Variants in PSME4 observed in about 807,000 individuals in gnomAD.
PSME4 encodes proteasome activator complex subunit 4.
Under a neutral mutation model 253.9 loss-of-function variants are expected in PSME4, and 89 were observed. The ratio of observed to expected loss-of-function variants is 0.35; its 90% CI spans 0.30 to 0.42. The LOEUF (loss-of-function observed/expected upper bound fraction) is 0.42. PSME4 is among the 10% of genes least tolerant of loss of function. The probability of loss-of-function intolerance (pLI) is 1.00; values close to 1 mark genes in which losing one functional copy is unlikely to be tolerated. For missense variants in PSME4, 2,014 were observed against 2,195.2 expected, an observed-to-expected ratio of 0.92 and a Z score of 1.65; for synonymous variants, 851 against 759.2, an observed-to-expected ratio of 1.12 and a Z score of -1.99.
At chr2:53,895,163 T>C (rs1176854119) in intron 33 of PSME4, 87 bp from the exon 34 acceptor site, 14 of 1,182,286 alleles carry the variant, frequency 1.2e-5, no homozygotes, top group Admixed American at 4.2e-5. Flanking sequence ...GCACTTTTAA[T>C]GAACTCTAAC....
rs144859112 is a variant in PSME4, at chr2:53,879,080, T to C, written c.4816-3325A>G. Among the ~76,000 whole-genome samples, 1,443 of 152,304 alleles carry C rather than the reference T, an allele frequency of 9.5e-3. 26 individuals carry two copies. Among genetic ancestry groups the C allele is most frequent in the African/African-American group, 0.033 (1,361 of 41,546 alleles). ...CTCTCTTTTGTACTCTGTCCCTTTA[T>C]TTCTCAGACCGGCCGACACTTAGGG... On this transcript the variant is annotated intron_variant, in intron 41 of 46. Coordinates refer to ENST00000404125, the MANE Select transcript of PSME4 (RefSeq NM_014614.3).
rs1318007012 is a variant in PSME4, at chr2:53,887,394, C to T, written c.4594G>A (p.Glu1532Lys). ...TTCTCCAGAATTCGAGCAGTAAACT[C>T]AGGGACATGAGGCGATATGGTTGGT... The part of the protein sequence containing the change: ...TTPTISPHVP[E>K]FTARILEKLK... Residue 1532 changes from glutamate (E) to lysine (K), a missense_variant, in exon 40 of 47, where the codon GAG (glutamate) becomes AAG (lysine). This residue lies in a region of PSME4 where 403 missense variants were observed against 556.1 expected (regional missense o/e 0.72). Transcript: ENST00000404125. 6.2e-7 allele frequency: 1 copy of T among 1,613,802 alleles called. No individual in the cohort carries two copies. Among genetic ancestry groups the T allele is most frequent in the East Asian group, 2.2e-5 (1 of 44,886 alleles).
intron 1 of PSME4, among the ~76,000 whole-genome samples, chr2:53,965,667 TTTG>T (rs1424849968): frequency 8.7e-6 from 1 of 115,266 alleles, no homozygotes; most frequent in Non-Finnish European, 1.9e-5. Flanking sequence ...TGTGTGTTTT[TTTG>T]TTTTTTTTTT....
At chr2:53,908,447 G>A in intron 23 of PSME4, 29 bp from the exon 24 acceptor site, 1 of 1,612,174 alleles carries the variant, frequency 6.2e-7, no homozygotes, top group East Asian at 2.2e-5. Context: ...AATTGTATTT[G>A]CAAGTCATCA....
chr2:53,935,960 C>G, intron 7 of PSME4, 127 bp downstream of exon 7: 4 of 1,278,448 alleles, frequency 3.1e-6, no homozygotes, highest in Non-Finnish European at 4.1e-6. Flanking sequence ...GTACTGCAAT[C>G]TTGGCTCACT....
intron 12 of PSME4, among the ~76,000 whole-genome samples, chr2:53,926,979 A>G (rs557287192): frequency 1.3e-5 from 2 of 151,144 alleles, no homozygotes; most frequent in Non-Finnish European, 2.9e-5. Flanking sequence ...TCTCAAAAAA[A>G]AAAGAAAGAA....
chr2:53,908,462 A>T (rs1484288777), intron 23 of PSME4, 44 bp from the exon 24 acceptor site: 4 of 1,611,252 alleles, frequency 2.5e-6, no homozygotes, highest in African/African-American at 2.7e-5. Context: ...TCATCAATCC[A>T]AGCTTGATCG....
At chr2:53,865,804 G>A (rs1202084779) in intron 46 of PSME4, 3 of 328,996 alleles carry the variant, frequency 9.1e-6, no homozygotes, top group Admixed American at 4.7e-5. Flanking sequence ...AGAATAAGAT[G>A]TATTTTCCTT....
At chr2:53,944,140 A>G (rs1669591538) in intron 3 of PSME4, among the ~76,000 whole-genome samples, 1 of 152,190 alleles carries the variant, frequency 6.6e-6, no homozygotes, top group Non-Finnish European at 1.5e-5. Context: ...AACACTATCA[A>G]AATCATTAAT....
chr2:53,906,592 C>G lies in PSME4; in HGVS notation c.2943+6G>C. 6.4e-7 allele frequency: 1 copy of G among 1,565,452 alleles called. No individual in the cohort carries two copies. Among genetic ancestry groups the G allele is most frequent in the Middle Eastern group, 1.7e-4 (1 of 5,816 alleles). ...CATGAGAGTGCAGCGTTTGGATAAG[C>G]CTTACCTGACTGTATGAACTTGTAG... On this transcript the variant is annotated splice_donor_region_variant and intron_variant, in intron 26 of 46. Transcript: ENST00000404125.
intron 1 of PSME4, 74 bp downstream of exon 1, chr2:53,970,469 A>G: frequency 6.5e-7 from 1 of 1,543,238 alleles, no homozygotes; most frequent in Non-Finnish European, 8.7e-7. Flanking sequence ...CCCTCTGGAC[A>G]AAGAGCAACC....
chr2:53,963,998 A>AT (rs1298885779), intron 1 of PSME4, among the ~76,000 whole-genome samples: 1 of 152,186 alleles, frequency 6.6e-6, no homozygotes, highest in Non-Finnish European at 1.5e-5. Flanking sequence ...TGTCTTTTGA[A>AT]TATTTGATAT....
chr2:53,913,233 T>A (rs1228233819), intron 20 of PSME4, among the ~76,000 whole-genome samples: 1 of 152,158 alleles, frequency 6.6e-6, no homozygotes, highest in African/African-American at 2.4e-5. Context: ...TAGTAAAATG[T>A]ATTAAAATAT....
intron 1 of PSME4, among the ~76,000 whole-genome samples, chr2:53,959,143 C>T (rs566390621): frequency 6.6e-6 from 1 of 152,204 alleles, no homozygotes; most frequent in Non-Finnish European, 1.5e-5. Flanking sequence ...ATGGCAAAAC[C>T]CTATCTTGAC....
In PSME4 at chr2:53,970,886, G is replaced by C; in HGVS notation, c.-102C>G. On this transcript the variant is annotated 5_prime_UTR_variant, in exon 1 of 47. Coordinates refer to ENST00000404125, the MANE Select transcript of PSME4 (RefSeq NM_014614.3). Reference sequence around the variant, plus strand: ...TCCGCGTCTTCGTCGCCCTGCGGCCGCTGGCGGCCCGTCGCCCTCGGACCG... The same window carrying C: ...TCCGCGTCTTCGTCGCCCTGCGGCCCCTGGCGGCCCGTCGCCCTCGGACCG... The C allele has an allele frequency of 9.3e-7, 1 of 1,074,920 alleles. No individual in the cohort carries two copies. The highest frequency in any genetic ancestry group is 3.0e-5 in the East Asian group (1 of 33,554). The allele number at this position is 1,074,920 out of a possible 1,614,324, so 66.6% of individuals were successfully genotyped here.
intron 43 of PSME4, among the ~76,000 whole-genome samples, chr2:53,871,747 G>A (rs1159087062): frequency 6.6e-6 from 1 of 152,058 alleles, no homozygotes; most frequent in Non-Finnish European, 1.5e-5. Flanking sequence ...GGGCATGGTG[G>A]CTCACGCCTG....
chr2:53,865,072 T>C lies in PSME4; in HGVS notation c.*506A>G, dbSNP rs888533358. 3 of 152,658 alleles carry C rather than the reference T, an allele frequency of 2.0e-5. No individual in the cohort carries two copies. Among genetic ancestry groups the C allele is most frequent in the Non-Finnish European group, 4.4e-5 (3 of 68,070 alleles). 9.5% of individuals were successfully genotyped at this position (152,658 alleles called of 1,614,324 possible). The stretch of plus-strand genomic sequence containing the variant: ...CATTGGTTAGGTTCAGGACTTGCCC[T>C]CTTTTCCTTCCCTCTTCATGGCTCT... On this transcript the variant is annotated 3_prime_UTR_variant, in exon 47 of 47. Transcript: ENST00000404125.
intron 1 of PSME4, among the ~76,000 whole-genome samples, chr2:53,953,487 T>TAAAAA (rs67192995): frequency 1.5e-4 from 19 of 122,918 alleles, no homozygotes; most frequent in Middle Eastern, 4.1e-3. Context: ...CCATGTCTAT[T>TAAAAA]AAAAAAAAAA....
Position 53,887,441 on chromosome 2 carries a change from T to C in PSME4, c.4547A>G (p.Asp1516Gly). 6.2e-7 allele frequency: 1 copy of C among 1,613,612 alleles called. No homozygotes were observed. Among genetic ancestry groups the C allele is most frequent in the Non-Finnish European group, 8.5e-7 (1 of 1,179,566 alleles). The change falls in exon 40 of 47, where the codon GAT becomes GGT. Residue 1516 changes from aspartate (D) to glycine (G), a missense_variant. Asp to Gly is a moderately conservative substitution (Grantham distance 94). Around this residue, in one of 4 missense-constraint regions of PSME4, gnomAD observed 403 missense variants for 556.1 expected, o/e 0.72. Coordinates refer to ENST00000404125, the MANE Select transcript of PSME4 (RefSeq NM_014614.3). ...GSVLTYIFMI[D>G]VSLPNTTPTI... ...TGGTGTGGTATTTGGCAAAGATACA[T>C]CTATCATGAATATGTAGGTCAGCAC...
Sources: allele counts gnomAD v4.1 joint callset (sites outside exome capture counted in the v4.1 genomes callset), GRCh38; gene constraint gnomAD v4.1.1; regional missense constraint gnomAD v4.1.1; transcripts MANE v1.5; gene names NCBI Gene and HGNC (gene_info 2026-07-23, HGNC 2026-07-21).